The following DLG2 variants were observed in gnomAD, a reference collection of about 807,000 sequenced individuals.
DLG2 encodes the protein disks large homolog 2.
DLG2 carries 45 observed loss-of-function variants against 132.5 expected under a neutral mutation model. That is an observed-to-expected ratio of 0.34 (90% CI 0.27 to 0.44). The LOEUF is 0.44. DLG2 is among the 20% of genes least tolerant of loss of function. The pLI is 1.00. For missense variants in DLG2, 1,045 were observed against 1,196.9 expected (o/e 0.87, Z 1.87); for synonymous variants, 424 against 419.6 (o/e 1.01, Z -0.13).
chr11:84,853,350 AT>A (rs1360014523), intron 6 of DLG2, among the ~76,000 whole-genome samples: 12 of 152,012 alleles, frequency 7.9e-5, no homozygotes, highest in African/African-American at 2.9e-4. Flanking sequence ...TTCTTTTTCA[AT>A]AATATTACTC....
chr11:85,482,210 A>G (rs530142066), intron 3 of DLG2, among the ~76,000 whole-genome samples: 4 of 152,214 alleles, frequency 2.6e-5, no homozygotes, highest in African/African-American at 9.6e-5. Flanking sequence ...GCCAGAACCC[A>G]TGGACCTTGC....
intron 6 of DLG2, among the ~76,000 whole-genome samples, chr11:84,775,991 C>T (rs1230969583): frequency 6.6e-6 from 1 of 152,146 alleles, no homozygotes; most frequent in Non-Finnish European, 1.5e-5. Flanking sequence ...GTTTCAATAT[C>T]TTATTGCTGG....
intron 16 of DLG2, among the ~76,000 whole-genome samples, chr11:83,866,255 A>G (rs2062353184): frequency 6.6e-6 from 1 of 152,188 alleles, no homozygotes; most frequent in Non-Finnish European, 1.5e-5. Context: ...AAGTTAAAAA[A>G]GGACAGTATT....
intron 12 of DLG2, among the ~76,000 whole-genome samples, chr11:83,970,161 C>T (rs12790276): frequency 0.042 from 6,463 of 152,252 alleles, 197 homozygotes; most frequent in Non-Finnish European, 0.067. Flanking sequence ...TTGTCTCTCT[C>T]CTCAGAGTAT....
chr11:85,022,223 C>T (rs1031730956), intron 6 of DLG2, among the ~76,000 whole-genome samples: 8 of 151,382 alleles, frequency 5.3e-5, no homozygotes, highest in African/African-American at 1.9e-4. Context: ...AGAAAAAATG[C>T]AATCAGAATA....
intron 14 of DLG2, among the ~76,000 whole-genome samples, chr11:83,960,223 T>A (rs1270624145): frequency 6.6e-6 from 1 of 152,096 alleles, no homozygotes; most frequent in African/African-American, 2.4e-5. Flanking sequence ...CTTTCTTTGA[T>A]GCCATAGGTT....
At chr11:84,453,703 C>A (rs763101504) in intron 7 of DLG2, among the ~76,000 whole-genome samples, 2 of 151,576 alleles carry the variant, frequency 1.3e-5, no homozygotes, top group African/African-American at 4.8e-5. Flanking sequence ...CCATTTTACA[C>A]GTAAGTAAAC....
chr11:85,163,410 G>T (rs777540207), intron 4 of DLG2, among the ~76,000 whole-genome samples: 4 of 152,006 alleles, frequency 2.6e-5, no homozygotes, highest in Non-Finnish European at 4.4e-5. Flanking sequence ...ATAAAAATAC[G>T]TAATTTATAT....
chr11:84,104,157 A>G (rs1381107502), intron 9 of DLG2, among the ~76,000 whole-genome samples: 1 of 152,142 alleles, frequency 6.6e-6, no homozygotes, highest in African/African-American at 2.4e-5. Context: ...CTTTTCAATA[A>G]TAAAGACATG....
At chr11:85,003,551 C>CA (rs1037694231) in intron 6 of DLG2, among the ~76,000 whole-genome samples, 1 of 151,974 alleles carries the variant, frequency 6.6e-6, no homozygotes, top group African/African-American at 2.4e-5. Context: ...GTAAATAATA[C>CA]AAAAATAATT....
intron 6 of DLG2, among the ~76,000 whole-genome samples, chr11:85,035,256 A>G (rs1403001300): frequency 1.3e-5 from 2 of 152,222 alleles, no homozygotes; most frequent in African/African-American, 4.8e-5. Context: ...GAAGATGGAA[A>G]TGGGAAACTT....
chr11:84,843,045 T>C (rs1002597462), intron 6 of DLG2, among the ~76,000 whole-genome samples: 1 of 152,000 alleles, frequency 6.6e-6, no homozygotes, highest in South Asian at 2.1e-4. Flanking sequence ...GAATATATTC[T>C]AGATATCTGC....
intron 14 of DLG2, among the ~76,000 whole-genome samples, chr11:83,953,917 T>C (rs2086144512): frequency 6.6e-6 from 1 of 152,182 alleles, no homozygotes; most frequent in South Asian, 2.1e-4. Context: ...TCAATCCTTT[T>C]TTGCATCAAT....
At chr11:85,492,547 T>C (rs1427869346) in intron 3 of DLG2, among the ~76,000 whole-genome samples, 1 of 152,332 alleles carries the variant, frequency 6.6e-6, no homozygotes, top group East Asian at 1.9e-4. Flanking sequence ...TCCATTTATA[T>C]TTAACATTTT....
chr11:84,372,835 A>G (rs544098292), intron 7 of DLG2, among the ~76,000 whole-genome samples: 1 of 152,300 alleles, frequency 6.6e-6, no homozygotes, highest in East Asian at 1.9e-4. Flanking sequence ...CCCAAGATTT[A>G]GTCCACTAGT....
chr11:83,542,639 G>A (rs865781991), intron 19 of DLG2, among the ~76,000 whole-genome samples: 26 of 152,116 alleles, frequency 1.7e-4, no homozygotes, highest in Admixed American at 1.7e-3. Context: ...CATTTGTTAA[G>A]GCCAATGCAC....
chr11:84,865,424 T>C (rs2000815), intron 6 of DLG2, among the ~76,000 whole-genome samples: 152,297 of 152,318 alleles, frequency 1, 76,138 homozygotes, highest in Non-Finnish European at 1. Context: ...TTTACACATG[T>C]AGAGCCCAGG....
intron 4 of DLG2, among the ~76,000 whole-genome samples, chr11:85,200,871 G>A (rs2081405529): frequency 6.6e-6 from 1 of 151,960 alleles, no homozygotes; most frequent in South Asian, 2.1e-4. Context: ...TCACAGACCT[G>A]TCTGAGCTAA....
At chr11:83,971,784 C>G (rs917398612) in intron 12 of DLG2, among the ~76,000 whole-genome samples, 1 of 152,008 alleles carries the variant, frequency 6.6e-6, no homozygotes, top group African/African-American at 2.4e-5. Context: ...AATGCCAATG[C>G]TATGAAAATA....
Sources: allele counts gnomAD v4.1 joint callset (sites outside exome capture counted in the v4.1 genomes callset), GRCh38; gene constraint gnomAD v4.1.1; transcripts MANE v1.5; gene names NCBI Gene and HGNC (gene_info 2026-07-23, HGNC 2026-07-21).